Variants in ANAPC1 observed in about 807,000 individuals in gnomAD.
ANAPC1 encodes anaphase promoting complex subunit 1.
In ANAPC1, 36 loss-of-function variants were observed where a neutral mutation model predicts 208.0. The ratio of observed to expected loss-of-function variants is 0.17; its 90% CI spans 0.13 to 0.23. The LOEUF is 0.23. ANAPC1 is among the 10% of genes least tolerant of loss of function. The pLI, the probability that ANAPC1 is intolerant of heterozygous loss-of-function variation, is 1.00. For synonymous variants in ANAPC1, 378 were observed against 695.2 expected (o/e 0.54, Z 7.18); for missense variants, 942 against 2,011.6 (o/e 0.47, Z 10.17).
At chr2:111,845,976 CAAAAA>C (rs34090398) in intron 16 of ANAPC1, among the ~76,000 whole-genome samples, 2 of 101,272 alleles carry the variant, frequency 2.0e-5, no homozygotes, top group African/African-American at 4.0e-5. Context: ...GACTCCGTCT[CAAAAA>C]AAAAAAAAAA....
At chr2:111,838,600 C>A in intron 17 of ANAPC1, 88 bp from the exon 18 acceptor site, 2 of 1,132,356 alleles carry the variant, frequency 1.8e-6, no homozygotes, top group Non-Finnish European at 2.5e-6. Flanking sequence ...ATCAGTTCTG[C>A]CAATTACGAA....
rs1037797523 is a variant in ANAPC1, at chr2:111,831,400, A to G, written c.2511T>C (p.Phe837=). The part of the protein sequence containing the change: ...QTGFMHHPSF[F]TSEPPSIYQW... ...GATAAATACTTGGTGGCTCAGACGT[A>G]AAAAATGATGGATGATGCATAAATC... Residue 837 remains phenylalanine (F), a synonymous_variant, in exon 21 of 48, where the codon TTT becomes TTC. Coordinates refer to ENST00000341068, the MANE Select transcript of ANAPC1 (RefSeq NM_022662.4). 5.0e-6 allele frequency: 8 copies of G among 1,610,916 alleles called. No homozygotes were observed. The Admixed American group carries it at 8.4e-5, about 17-fold the overall frequency.
intron 46 of ANAPC1, among the ~76,000 whole-genome samples, chr2:111,774,889 G>A (rs1676923305): frequency 6.9e-6 from 1 of 144,958 alleles, no homozygotes; most frequent in South Asian, 2.3e-4. Context: ...ATATGAAAAA[G>A]TTAATAAAAC....
chr2:111,773,700 G>T (rs1676864014), intron 46 of ANAPC1, among the ~76,000 whole-genome samples: 1 of 151,810 alleles, frequency 6.6e-6, no homozygotes, highest in Non-Finnish European at 1.5e-5. Context: ...AAGAATGAGA[G>T]GAAAAGGTTC....
At position 111,850,824 on chromosome 2, in the gene ANAPC1, G is replaced by A. The variant is rs773488638; in HGVS notation, c.1602C>T (p.Gly534=). The A allele has an allele frequency of 9.3e-6, 15 of 1,611,886 alleles. No homozygotes were observed. The highest frequency in any genetic ancestry group is 2.2e-5 in the East Asian group (1 of 44,866). ...TMPRPSTPLD[G]VSTPKPLSKL... is the part of the protein sequence containing the mutation. ...TACTAAGAGGCTTTGGAGTACTAAC[G>A]CCATCTAGTGGAGTACTGGGCCGAG... Residue 534 remains glycine (G), a synonymous_variant, in exon 14 of 48, where the codon GGC becomes GGT. Coordinates refer to ENST00000341068, the MANE Select transcript of ANAPC1 (RefSeq NM_022662.4).
At chr2:111,879,019 T>C (rs749800564) in intron 2 of ANAPC1, 48 bp from the exon 3 acceptor site, 2 of 1,559,270 alleles carry the variant, frequency 1.3e-6, no homozygotes, top group Non-Finnish European at 1.7e-6. Flanking sequence ...CTTTTTTTGT[T>C]CTTCAAAAAT....
chr2:111,810,640 T>C (rs1451957900), intron 28 of ANAPC1, among the ~76,000 whole-genome samples: 2 of 147,336 alleles, frequency 1.4e-5, no homozygotes, highest in Middle Eastern at 3.4e-3. Flanking sequence ...CCCAGCACTT[T>C]GGGAGGCTGA....
chr2:111,880,615 T>C lies in ANAPC1; in HGVS notation c.211A>G (p.Lys71Glu). 1 of 1,608,816 alleles carries C rather than the reference T, an allele frequency of 6.2e-7. No individual in the cohort carries two copies. The highest frequency in any genetic ancestry group is 8.5e-7 in the Non-Finnish European group (1 of 1,177,738). ...CACAATGGGAAACTCAATGGAACCT[T>C]CTGTTTCTCGTGGATTGTAACCTCC... ...LQEVTIHEKQ[K>E]ESWQLRKGVS... The change falls in exon 2 of 48, where the codon AAG becomes GAG. Residue 71 changes from lysine to glutamate, a missense_variant and splice_region_variant. By Grantham distance (56) the Lys-to-Glu change is moderately conservative (BLOSUM62 1). Transcript: ENST00000341068.
Position 111,863,805 on chromosome 2 carries a change from G to C in ANAPC1, c.922C>G (p.Leu308Val). The C allele has an allele frequency of 1.2e-5, 19 of 1,613,942 alleles. No individual in the cohort carries two copies. Among genetic ancestry groups the C allele is most frequent in the Non-Finnish European group, 1.5e-5 (18 of 1,179,864 alleles). ...GTCACAGGGGAATCTCCTTTGGAGA[G>C]GCTTCTGAGATGTGCTGTGAGGGAG... ...SSSLTAHLRS[L>V]SKGDSPVTSP... Residue 308 changes from leucine (L) to valine (V), a missense_variant, in exon 9 of 48, where the codon CTC (leucine) becomes GTC (valine). Physicochemically the swap from Leu to Val is conservative, Grantham distance 32 (BLOSUM62 1). Transcript: ENST00000341068.
At chr2:111,854,608 C>A (rs1032930398) in intron 13 of ANAPC1, among the ~76,000 whole-genome samples, 12 of 152,200 alleles carry the variant, frequency 7.9e-5, no homozygotes, top group African/African-American at 2.9e-4. Context: ...ATCTTAGCAG[C>A]TTCTACATCA....
At chr2:111,787,619 A>T (rs1325218701) in intron 39 of ANAPC1, among the ~76,000 whole-genome samples, 1 of 152,150 alleles carries the variant, frequency 6.6e-6, no homozygotes, top group African/African-American at 2.4e-5. Flanking sequence ...TATGCAAGAG[A>T]TCTGCTATGT....
At chr2:111,854,477 T>C (rs1445955148) in intron 13 of ANAPC1, among the ~76,000 whole-genome samples, 1 of 152,198 alleles carries the variant, frequency 6.6e-6, no homozygotes, top group African/African-American at 2.4e-5. Context: ...CAGACTGTCC[T>C]TTGAAGCCAG....
chr2:111,843,693 A>G (rs567308572), intron 16 of ANAPC1, 94 bp from the exon 17 acceptor site: 239 of 997,908 alleles, frequency 2.4e-4, no homozygotes, highest in Non-Finnish European at 2.9e-4. Flanking sequence ...TACTATGTAA[A>G]GGCCAATTAT....
At chr2:111,772,300 G>C (rs1450973075) in intron 47 of ANAPC1, 41 bp downstream of exon 47, 1 of 1,613,718 alleles carries the variant, frequency 6.2e-7, no homozygotes, top group African/African-American at 1.3e-5. Flanking sequence ...AAAGGGGTAG[G>C]TAACAGAGTT....
At chr2:111,879,007 C>T (rs1276334735) in intron 2 of ANAPC1, 36 bp from the exon 3 acceptor site, 54 of 1,583,124 alleles carry the variant, frequency 3.4e-5, no homozygotes, top group Non-Finnish European at 4.4e-5. Context: ...TATTCAAGCA[C>T]TCTTTTTTTG....
chr2:111,881,366 T>C (rs1573531877), intron 1 of ANAPC1, among the ~76,000 whole-genome samples: 1 of 152,080 alleles, frequency 6.6e-6, no homozygotes, highest in Admixed American at 6.6e-5. Flanking sequence ...ACAAAAGACA[T>C]AGGTTTTCAA....
intron 20 of ANAPC1, among the ~76,000 whole-genome samples, chr2:111,832,540 T>C (rs1300249864): frequency 6.6e-6 from 1 of 152,130 alleles, no homozygotes; most frequent in Non-Finnish European, 1.5e-5. Context: ...GTTCTCAAAA[T>C]GCGGCTAGTG....
intron 29 of ANAPC1, among the ~76,000 whole-genome samples, chr2:111,807,560 C>T (rs1297878934): frequency 8.0e-5 from 12 of 150,780 alleles, no homozygotes; most frequent in African/African-American, 2.7e-4. Flanking sequence ...GGCATAGTGG[C>T]GGGCGCCTGT....
intron 28 of ANAPC1, among the ~76,000 whole-genome samples, chr2:111,813,402 G>A (rs1046490356): frequency 5.3e-5 from 8 of 152,082 alleles, no homozygotes; most frequent in Admixed American, 4.6e-4. Flanking sequence ...CTCCATTATG[G>A]CTCCAGGACA....
Sources: allele counts gnomAD v4.1 joint callset (sites outside exome capture counted in the v4.1 genomes callset), GRCh38; gene constraint gnomAD v4.1.1; transcripts MANE v1.5; gene names NCBI Gene and HGNC (gene_info 2026-07-23, HGNC 2026-07-21).